ASB18: variants seen among roughly 807,000 people sequenced by gnomAD.
The protein encoded by ASB18 is ankyrin repeat and SOCS box protein 18.
A neutral mutation model predicts 33.4 loss-of-function variants in ASB18; 33 were observed. That is an observed-to-expected ratio of 0.99 (90% CI 0.75 to 1.32). ASB18 has a LOEUF of 1.32. ASB18 is among the 40% of genes most tolerant of loss of function. The pLI is 0.00. For synonymous variants in ASB18, 295 were observed against 307.6 expected (o/e 0.96, Z 0.43); for missense variants, 694 against 655.5 (o/e 1.06, Z -0.64).
At position 236,224,842 on chromosome 2, in the gene ASB18, CTCATTCTTCTCTGA is replaced by C. The variant is rs566263690; in HGVS notation, c.597-9990_597-9977del. Among the ~76,000 whole-genome samples the C allele has an allele frequency of 6.7e-3, 1,028 of 152,316 alleles. 3 individuals carry two copies. The highest frequency in any genetic ancestry group is 9.0e-3 in the Non-Finnish European group (609 of 68,034). On this transcript the variant is annotated intron_variant, in intron 3 of 5. Transcript: ENST00000409749. Reference sequence around the variant, plus strand: ...CTGACATCTCATTCTTCTCTGAGATCTCATTCTTCTCTGAGATCTCATTCTTCAGTATTCCTCAA... The same window carrying C: ...CTGACATCTCATTCTTCTCTGAGATCGATCTCATTCTTCAGTATTCCTCAA...
chr2:236,197,844 C>A (rs556082378), intron 4 of ASB18, among the ~76,000 whole-genome samples: 1 of 151,874 alleles, frequency 6.6e-6, no homozygotes, highest in Non-Finnish European at 1.5e-5. Context: ...GAAGCTGGAC[C>A]AAATTCAGAT....
At chr2:236,207,958 C>T (rs2106266080) in intron 4 of ASB18, among the ~76,000 whole-genome samples, 1 of 152,146 alleles carries the variant, frequency 6.6e-6, no homozygotes, top group African/African-American at 2.4e-5. Flanking sequence ...TCTCTCTTTC[C>T]CTCCTTTTCT....
rs936107999 is a variant in ASB18 at position 236,205,958 on chromosome 2, T to C, written c.1101+8404A>G. Among the ~76,000 whole-genome samples the C allele has an allele frequency of 3.3e-5, 5 of 152,222 alleles. No homozygotes were observed. The East Asian group carries it at 9.6e-4, about 29-fold the overall frequency. ...GATTTTTCCATGTCTTTTTAGAACA[T>C]TTTTGTTAGAATGTATATAGGTATG... On this transcript the variant is annotated intron_variant, in intron 4 of 5. Coordinates refer to ENST00000409749, the MANE Select transcript of ASB18 (RefSeq NM_212556.4). The surrounding 1 kb of genome is among the most constrained non-coding windows in gnomAD (Gnocchi z 5.4).
rs58895794 is a variant in ASB18, at chr2:236,245,095, G to C, written c.206-3693C>G. ...GTGAGAGTCAACCTCAGCTGGGTGT[G>C]GGGGGAGACTTGGCCATGACCCAAA... On this transcript the variant is annotated intron_variant, in intron 1 of 5. Coordinates refer to ENST00000409749, the MANE Select transcript of ASB18 (RefSeq NM_212556.4). The surrounding 1 kb of genome is among the most constrained non-coding windows in gnomAD (Gnocchi z 4.7). Among the ~76,000 whole-genome samples, 54 of 152,270 alleles carry C rather than the reference G, an allele frequency of 3.5e-4. No individual in the cohort carries two copies. Among genetic ancestry groups the C allele is most frequent in the African/African-American group, 1.3e-3 (53 of 41,550 alleles).
In ASB18 at chr2:236,241,502, G is replaced by A. The variant is rs1391006228; in HGVS notation, c.206-100C>T. 4.2e-6 allele frequency: 6 copies of A among 1,415,886 alleles called. No homozygotes were observed. The highest frequency in any genetic ancestry group is 5.9e-6 in the Non-Finnish European group (6 of 1,018,340). The allele number at this position is 1,415,886 out of a possible 1,614,324, so 87.7% of individuals were successfully genotyped here. ...AATATTTGAAGTTTTCCTCTCACTG[G>A]CCCTGGCTGTCTCTCCATTGAGATG... On this transcript the variant is annotated intron_variant, in intron 1 of 5. Coordinates refer to ENST00000409749, the MANE Select transcript of ASB18 (RefSeq NM_212556.4). This position sits in a 1 kb window ranked among gnomAD's most constrained non-coding sequence, Gnocchi z 4.2.
At position 236,223,609 on chromosome 2, in the gene ASB18, A is replaced by T. The variant is rs1393435334; in HGVS notation, c.597-8743T>A. Among the ~76,000 whole-genome samples, 1 of 152,216 alleles carries T rather than the reference A, an allele frequency of 6.6e-6. No individual in the cohort carries two copies. Among genetic ancestry groups the T allele is most frequent in the African/African-American group, 2.4e-5 (1 of 41,456 alleles). ...TAAGAGCACAATTGAATGAATTTCA[A>T]CAAAGGAATATACCTATGTAACCAA... On this transcript the variant is annotated intron_variant, in intron 3 of 5. Coordinates refer to ENST00000409749, the MANE Select transcript of ASB18 (RefSeq NM_212556.4). This position sits in a 1 kb window ranked among gnomAD's most constrained non-coding sequence, Gnocchi z 4.6.
In ASB18 at chr2:236,245,307, GCA is replaced by G. The variant is rs2060639641; in HGVS notation, c.206-3907_206-3906del. On this transcript the variant is annotated intron_variant, in intron 1 of 5. Transcript: ENST00000409749. The surrounding 1 kb of genome is among the most constrained non-coding windows in gnomAD (Gnocchi z 4.7). ...GTGACTCTGTGTCAGGTGTATCCCT[GCA>G]GGTTGATACCCTTGATGTCATTTGC... Among the ~76,000 whole-genome samples the G allele has an allele frequency of 1.3e-5, 2 of 152,192 alleles. No individual in the cohort carries two copies. The highest frequency in any genetic ancestry group is 4.1e-4 in the South Asian group (2 of 4,832).
At chr2:236,233,160 T>A (rs1372673659) in intron 3 of ASB18, among the ~76,000 whole-genome samples, 1 of 152,124 alleles carries the variant, frequency 6.6e-6, no homozygotes, top group Admixed American at 6.5e-5. Flanking sequence ...TCAATATAAA[T>A]TATTATATTA....
In ASB18 at chr2:236,226,258, A is replaced by G. The variant is rs940599536; in HGVS notation, c.597-11392T>C. The stretch of plus-strand genomic sequence containing the variant: ...TATTCCATTATCATCATTGATATTG[A>G]AGGGATTCTAAGTCAGCTGTTACAG... On this transcript the variant is annotated intron_variant, in intron 3 of 5. Coordinates refer to ENST00000409749, the MANE Select transcript of ASB18 (RefSeq NM_212556.4). This position sits in a 1 kb window ranked among gnomAD's most constrained non-coding sequence, Gnocchi z 4.8. 6.6e-6 allele frequency among the ~76,000 whole-genome samples: 1 copy of G among 152,218 alleles called. No homozygotes were observed. Among genetic ancestry groups the G allele is most frequent in the Non-Finnish European group, 1.5e-5 (1 of 68,038 alleles).
chr2:236,233,718 C>A lies in ASB18; in HGVS notation c.596+3971G>T, dbSNP rs574425427. 3.2e-4 allele frequency among the ~76,000 whole-genome samples: 48 copies of A among 152,078 alleles called. 1 individual carries two copies. The highest frequency in any genetic ancestry group is 1.0e-3 in the Admixed American group (16 of 15,270). On this transcript the variant is annotated intron_variant, in intron 3 of 5. Coordinates refer to ENST00000409749, the MANE Select transcript of ASB18 (RefSeq NM_212556.4). ...TAAATCTTACAAAATATATGCAAAC[C>A]TTGTTCCCTAAAAACTATCAAACAC...
At chr2:236,218,272 TA>T in intron 3 of ASB18, among the ~76,000 whole-genome samples, 1 of 152,266 alleles carries the variant, frequency 6.6e-6, no homozygotes, top group Non-Finnish European at 1.5e-5. Flanking sequence ...GGCACTTTTT[TA>T]GAGTGGGCAA....
chr2:236,202,206 C>T (rs958784231), intron 4 of ASB18, among the ~76,000 whole-genome samples: 1 of 152,180 alleles, frequency 6.6e-6, no homozygotes, highest in Non-Finnish European at 1.5e-5. Flanking sequence ...CCTCCTCGGC[C>T]TCCCAAAGCG....
In ASB18 at chr2:236,235,268, T is replaced by G. The variant is rs2060582917; in HGVS notation, c.596+2421A>C. Reference sequence around the variant, plus strand: ...TTCTATGTTTAGATACACAAATACTTCCCATTGTGTTACAATTCCCTACAG... The same window carrying G: ...TTCTATGTTTAGATACACAAATACTGCCCATTGTGTTACAATTCCCTACAG... On this transcript the variant is annotated intron_variant, in intron 3 of 5. Transcript: ENST00000409749. The surrounding 1 kb of genome is among the most constrained non-coding windows in gnomAD (Gnocchi z 6.2). Among the ~76,000 whole-genome samples, 1 of 152,210 alleles carries G rather than the reference T, an allele frequency of 6.6e-6. No homozygotes were observed. The highest frequency in any genetic ancestry group is 1.5e-5 in the Non-Finnish European group (1 of 68,036).
At chr2:236,232,594 T>A (rs977120627) in intron 3 of ASB18, among the ~76,000 whole-genome samples, 1 of 152,016 alleles carries the variant, frequency 6.6e-6, no homozygotes, top group Non-Finnish European at 1.5e-5. Flanking sequence ...GTATCATGAA[T>A]GAGAGAGGTG....
rs2060584639 is a variant in ASB18, at chr2:236,235,512, C to G, written c.596+2177G>C. ...GCAAGTAAGTTCATGAAACAATGCTCAACATCGCTAGTTACCAGGGAAATG... is the reference window on the plus strand; with the variant it reads ...GCAAGTAAGTTCATGAAACAATGCTGAACATCGCTAGTTACCAGGGAAATG... On this transcript the variant is annotated intron_variant, in intron 3 of 5. Coordinates refer to ENST00000409749, the MANE Select transcript of ASB18 (RefSeq NM_212556.4). This position sits in a 1 kb window ranked among gnomAD's most constrained non-coding sequence, Gnocchi z 6.2. 6.6e-6 allele frequency among the ~76,000 whole-genome samples: 1 copy of G among 152,226 alleles called. No individual in the cohort carries two copies. The highest frequency in any genetic ancestry group is 1.5e-5 in the Non-Finnish European group (1 of 68,038).
At position 236,220,790 on chromosome 2, in the gene ASB18, G is replaced by A. The variant is rs189997008; in HGVS notation, c.597-5924C>T. ...AAGCACCTTCTCTGAGGCAGGTTCTGTTCTAGGCGTTTTCCACAAGTTATG... is the reference window on the plus strand; with the variant it reads ...AAGCACCTTCTCTGAGGCAGGTTCTATTCTAGGCGTTTTCCACAAGTTATG... On this transcript the variant is annotated intron_variant, in intron 3 of 5. Transcript: ENST00000409749. The surrounding 1 kb of genome is among the most constrained non-coding windows in gnomAD (Gnocchi z 5.1). Among the ~76,000 whole-genome samples, 1 of 152,250 alleles carries A rather than the reference G, an allele frequency of 6.6e-6. No individual in the cohort carries two copies. The highest frequency in any genetic ancestry group is 1.9e-4 in the East Asian group (1 of 5,172).
At chr2:236,242,690 T>C (rs927031619) in intron 1 of ASB18, among the ~76,000 whole-genome samples, 2 of 151,512 alleles carry the variant, frequency 1.3e-5, no homozygotes, top group Non-Finnish European at 2.9e-5. Context: ...GGTCTCAAAC[T>C]CTTGATCTCA....
chr2:236,232,231 C>A (rs1414131727), intron 3 of ASB18, among the ~76,000 whole-genome samples: 1 of 144,998 alleles, frequency 6.9e-6, no homozygotes, highest in Non-Finnish European at 1.5e-5. Context: ...TTTGGAAACT[C>A]AATAACATAC....
intron 4 of ASB18, among the ~76,000 whole-genome samples, chr2:236,201,620 C>G (rs1389084475): frequency 6.6e-6 from 1 of 151,428 alleles, no homozygotes; most frequent in Non-Finnish European, 1.5e-5. Flanking sequence ...TTGGCACTAG[C>G]AGAAGTCACA....
Sources: allele counts gnomAD v4.1 joint callset (sites outside exome capture counted in the v4.1 genomes callset), GRCh38; gene constraint gnomAD v4.1.1; non-coding constraint Gnocchi (gnomAD v3.1); transcripts MANE v1.5; gene names NCBI Gene and HGNC (gene_info 2026-07-23, HGNC 2026-07-21).